The following DNAAF4 variants were observed in gnomAD, a reference collection of about 807,000 sequenced individuals.
DNAAF4 encodes the protein dynein assembly factor 4, axonemal.
Under a neutral mutation model 51.8 loss-of-function variants are expected in DNAAF4, and 43 were observed. The ratio of observed to expected loss-of-function variants is 0.83; its 90% CI spans 0.65 to 1.07. The LOEUF is 1.07. Among genes scored for constraint, DNAAF4 ranks in the 50% least tolerant of loss-of-function variants. DNAAF4 has a pLI of 0.00. For synonymous variants in DNAAF4, 194 were observed against 165.6 expected, an observed-to-expected ratio of 1.17 and a Z score of -1.32; for missense variants, 581 against 493.0, an observed-to-expected ratio of 1.18 and a Z score of -1.69.
At chr15:55,428,628 G>A (rs2057455874), downstream of DNAAF4, among the ~76,000 whole-genome samples, 1 of 150,456 alleles carries the variant, frequency 6.6e-6, no homozygotes, top group Non-Finnish European at 1.5e-5. Context: ...CCGAGTAGGT[G>A]GGACTACAGG....
chr15:55,462,257 G>A (rs1014282363), intron 5 of DNAAF4, among the ~76,000 whole-genome samples: 2 of 150,558 alleles, frequency 1.3e-5, no homozygotes, highest in Admixed American at 6.6e-5. Flanking sequence ...GCAGTGGTGA[G>A]ATCTCGGCTC....
At chr15:55,485,584 G>C (rs974122030) in intron 4 of DNAAF4, among the ~76,000 whole-genome samples, 4 of 151,910 alleles carry the variant, frequency 2.6e-5, no homozygotes, top group Non-Finnish European at 5.9e-5. Context: ...CAGTTTAAAA[G>C]ATCAGTTGGA....
In DNAAF4 at chr15:55,498,464, G is replaced by C. The variant is rs1470818472; in HGVS notation, c.-135C>G. On this transcript the variant is annotated 5_prime_UTR_variant, in exon 2 of 10. Transcript: ENST00000321149. ...GAGCCCGGCGTTCCCAGCGTGCTCC[G>C]GCGCCAGCACCTCGCGGACTCCATG... The C allele has an allele frequency of 4.4e-6, 6 of 1,371,862 alleles. No individual in the cohort carries two copies. Among genetic ancestry groups the C allele is most frequent in the Non-Finnish European group, 5.8e-6 (6 of 1,035,408 alleles). The allele number at this position is 1,371,862 out of a possible 1,614,324, so 85.0% of individuals were successfully genotyped here.
intron 6 of DNAAF4, among the ~76,000 whole-genome samples, chr15:55,447,995 CAA>C (rs2057865855): frequency 6.6e-6 from 1 of 152,120 alleles, no homozygotes; most frequent in Non-Finnish European, 1.5e-5. Context: ...TGCCAGTTTT[CAA>C]AGAGAATGCT....
intron 5 of DNAAF4, among the ~76,000 whole-genome samples, chr15:55,458,832 G>A (rs2058055068): frequency 1.3e-5 from 2 of 152,128 alleles, no homozygotes; most frequent in Non-Finnish European, 2.9e-5. Context: ...TCAGCACTTT[G>A]GGAGGCCAAG....
intron 4 of DNAAF4, among the ~76,000 whole-genome samples, chr15:55,486,710 C>T (rs1227757858): frequency 6.6e-6 from 1 of 151,334 alleles, no homozygotes; most frequent in Non-Finnish European, 1.5e-5. Flanking sequence ...CTCGAACCTG[C>T]GAGGTCAATG....
intron 4 of DNAAF4, 97 bp from the exon 5 acceptor site, chr15:55,467,258 A>C: frequency 8.9e-7 from 1 of 1,124,420 alleles, no homozygotes; most frequent in African/African-American, 1.6e-5. Context: ...TCATACCTCT[A>C]AACTCTTGCC....
intron 7 of DNAAF4, among the ~76,000 whole-genome samples, chr15:55,424,589 C>T (rs554125311): frequency 6.6e-6 from 1 of 152,206 alleles, no homozygotes; most frequent in Admixed American, 6.5e-5. Context: ...CCCATCCTTG[C>T]ACCTTGCTCT....
chr15:55,493,119 T>C (rs936697936), intron 3 of DNAAF4, among the ~76,000 whole-genome samples: 5 of 152,148 alleles, frequency 3.3e-5, no homozygotes, highest in Non-Finnish European at 7.4e-5. Flanking sequence ...CCTTCCACCA[T>C]GTGAGGACAC....
At chr15:55,438,663 T>A (rs886721106) in intron 7 of DNAAF4, among the ~76,000 whole-genome samples, 16 of 151,840 alleles carry the variant, frequency 1.1e-4, no homozygotes, top group Admixed American at 7.2e-4. Context: ...TGGATGCCTG[T>A]AATCCCAGCT....
chr15:55,463,304 C>A (rs2058122108), intron 5 of DNAAF4, among the ~76,000 whole-genome samples: 1 of 152,016 alleles, frequency 6.6e-6, no homozygotes, highest in African/African-American at 2.4e-5. Context: ...TAAAAGCCAT[C>A]TTTGACAAAC....
rs1019199989 is a variant in DNAAF4, at chr15:55,432,450, T to G, written c.1153+47A>C. ...TCTTAAATAATTCCAATGACATTTT[T>G]TTCAGAGTATAACTTGGGACTTAAA... On this transcript the variant is annotated intron_variant, in intron 9 of 9. Transcript: ENST00000321149. 2.8e-6 allele frequency: 4 copies of G among 1,450,708 alleles called. No individual in the cohort carries two copies. In the African/African-American group the frequency reaches 4.2e-5, roughly 15 times the overall value. The allele number at this position is 1,450,708 out of a possible 1,614,324, so 89.9% of individuals were successfully genotyped here.
intron 3 of DNAAF4, among the ~76,000 whole-genome samples, chr15:55,493,087 G>A (rs2058596223): frequency 6.6e-6 from 1 of 152,108 alleles, no homozygotes; most frequent in South Asian, 2.1e-4. Context: ...TTATACAGAA[G>A]GCCCCAGAAA....
intron 7 of DNAAF4, among the ~76,000 whole-genome samples, chr15:55,420,819 T>A (rs781751608): frequency 1.3e-5 from 2 of 152,168 alleles, no homozygotes; most frequent in African/African-American, 2.4e-5. Context: ...CCTTTTTATA[T>A]GTAGAATCTA....
At chr15:55,503,747 A>G (rs1020490742) in intron 1 of DNAAF4, among the ~76,000 whole-genome samples, 5 of 152,216 alleles carry the variant, frequency 3.3e-5, no homozygotes, top group African/African-American at 1.2e-4. Context: ...AAAACTCTCA[A>G]TAAACTAGGT....
intron 7 of DNAAF4, among the ~76,000 whole-genome samples, chr15:55,419,083 A>C (rs1455033805): frequency 6.6e-6 from 1 of 151,892 alleles, no homozygotes; most frequent in Non-Finnish European, 1.5e-5. Context: ...CACCCAGCTA[A>C]TTTTTTGTAT....
intron 4 of DNAAF4, among the ~76,000 whole-genome samples, chr15:55,484,487 G>GAAAA (rs781426367): frequency 9.6e-6 from 1 of 104,616 alleles, no homozygotes; most frequent in Non-Finnish European, 1.9e-5. Context: ...TCCGTCTCAG[G>GAAAA]AAAAAAAAAA....
intron 4 of DNAAF4, among the ~76,000 whole-genome samples, chr15:55,468,220 T>C (rs1391822706): frequency 6.6e-6 from 1 of 152,218 alleles, no homozygotes; most frequent in Non-Finnish European, 1.5e-5. Context: ...AATGTTGTAT[T>C]ACTTTAAAAT....
chr15:55,420,016 T>C (rs1294086434), intron 7 of DNAAF4, among the ~76,000 whole-genome samples: 1 of 151,682 alleles, frequency 6.6e-6, no homozygotes, highest in African/African-American at 2.4e-5. Flanking sequence ...AAAAAAAGAA[T>C]AAAAAAAAGT....
Sources: gnomAD v4.1 joint callset for allele counts (sites outside exome capture counted in the v4.1 genomes callset) on GRCh38, gnomAD v4.1.1 for gene constraint, MANE v1.5 for transcripts, NCBI Gene and HGNC (gene_info 2026-07-23, HGNC 2026-07-21) for gene names.